GAS2L2: variants seen among roughly 807,000 people sequenced by gnomAD.
The protein encoded by GAS2L2 is growth arrest specific 2 like 2, also known as GAS2-like protein 2.
A neutral mutation model predicts 35.2 loss-of-function variants in GAS2L2; 21 were observed. The ratio of observed to expected loss-of-function variants is 0.60; its 90% CI spans 0.42 to 0.86. The LOEUF is 0.86. Among genes scored for constraint, GAS2L2 ranks in the 40% least tolerant of loss-of-function variants. The pLI is 0.00. For missense variants in GAS2L2, 1,169 were observed against 1,144.4 expected, an observed-to-expected ratio of 1.02 and a Z score of -0.31; for synonymous variants, 490 against 473.2, an observed-to-expected ratio of 1.04 and a Z score of -0.46.
At chr17:35,752,405 A>G in intron 1 of GAS2L2, 61 bp downstream of exon 1, 2 of 1,492,150 alleles carry the variant, frequency 1.3e-6, no homozygotes, top group Non-Finnish European at 1.8e-6. Context: ...TGCATTTGAG[A>G]AAGGACCAAT....
rs1193517147 is a variant in GAS2L2 at position 35,749,217 on chromosome 17, C to T, written c.628G>A (p.Val210Met). 1.7e-5 allele frequency: 28 copies of T among 1,609,358 alleles called. No homozygotes were observed. Among genetic ancestry groups the T allele is most frequent in the Non-Finnish European group, 2.3e-5 (27 of 1,176,816 alleles). Residue 210 changes from valine (V) to methionine (M), a missense_variant and splice_region_variant, in exon 3 of 6, where the codon GTG becomes ATG. Coordinates refer to ENST00000604641, the MANE Select transcript of GAS2L2 (RefSeq NM_139285.4). ...PCHFRNLDQM[V>M]QSLVSHCTCP... Reference sequence around the variant, plus strand: ...GTGCAGTGGCTCACAAGGCTCTGCACCTGCGGGCGGGTGGTGAACTCAGCC... The same window carrying T: ...GTGCAGTGGCTCACAAGGCTCTGCATCTGCGGGCGGGTGGTGAACTCAGCC...
chr17:35,747,378 CAG>C (rs1354883722), intron 4 of GAS2L2, 110 bp from the exon 5 acceptor site: 17 of 1,268,632 alleles, frequency 1.3e-5, no homozygotes, highest in Non-Finnish European at 1.8e-5. Flanking sequence ...ACATTAAAAA[CAG>C]TGGGACCTAC....
intron 1 of GAS2L2, 73 bp from the exon 2 acceptor site, chr17:35,750,391 G>A (rs1360746227): frequency 1.9e-6 from 3 of 1,596,796 alleles, no homozygotes; most frequent in Non-Finnish European, 2.6e-6. Flanking sequence ...CGGGGCAGGG[G>A]CTAGCGGGGA....
intron 1 of GAS2L2, among the ~76,000 whole-genome samples, chr17:35,750,920 A>C (rs1178446407): frequency 6.6e-6 from 1 of 152,168 alleles, no homozygotes; most frequent in Non-Finnish European, 1.5e-5. Flanking sequence ...GGTTGTTGTG[A>C]AGATTGGATA....
At position 35,744,822 on chromosome 17, in the gene GAS2L2, TG is replaced by T. The variant is rs1555598537; in HGVS notation, c.*31del. ...CCAGTGTATACATGGCCATCCTTTT[TG>T]CTTCCCTCCTACCCAACACGCTCAT... is the stretch of plus-strand genomic sequence containing the variant. On this transcript the variant is annotated 3_prime_UTR_variant, in exon 6 of 6. Transcript: ENST00000604641. 1.3e-6 allele frequency: 2 copies of T among 1,495,358 alleles called. No individual in the cohort carries two copies. Among genetic ancestry groups the T allele is most frequent in the East Asian group, 4.9e-5 (2 of 40,826 alleles). 92.6% of individuals were successfully genotyped at this position (1,495,358 alleles called of 1,614,324 possible). A position where few individuals can be genotyped will look rare whatever the true frequency, so the allele number is the denominator to read the frequency against.
Position 35,745,392 on chromosome 17 carries a change from C to T in GAS2L2, c.2105G>A (p.Gly702Glu). 6.3e-7 allele frequency: 1 copy of T among 1,581,314 alleles called. No homozygotes were observed. ...ACTCAGGCTTGCCTTTGTCCTGGGC[C>T]CACTCTGTCTGGCTCCCAACTTCCC... ...LKGKLGARQSGPRTKASLSAK... is the reference protein window; with the variant it reads ...LKGKLGARQSEPRTKASLSAK... The change falls in exon 6 of 6, where the codon GGG (glycine) becomes GAG (glutamate). Residue 702 changes from glycine to glutamate, a missense_variant. By Grantham distance (98) the Gly-to-Glu change is moderately conservative. Around this residue, in one of 3 missense-constraint regions of GAS2L2, gnomAD observed 1,035 missense variants for 976.5 expected, o/e 1.06. Transcript: ENST00000604641.
rs782622658 is a variant in GAS2L2, at chr17:35,750,264, A to G, written c.440T>C (p.Val147Ala). The stretch of plus-strand genomic sequence containing the variant: ...GCCCAGCTCCAGCAAACACAGCACC[A>G]CGTTCTTCACGTTCTTGCGCAGCAC... ...DLVLRKNVKN[V>A]VLCLLELGRR... Residue 147 changes from valine to alanine, a missense_variant, in exon 2 of 6, where the codon GTG (valine) becomes GCG (alanine). Around this residue, in one of 3 missense-constraint regions of GAS2L2, gnomAD observed 1,035 missense variants for 976.5 expected, o/e 1.06. Coordinates refer to ENST00000604641, the MANE Select transcript of GAS2L2 (RefSeq NM_139285.4). 1.2e-6 allele frequency: 2 copies of G among 1,613,496 alleles called. No individual in the cohort carries two copies. Among genetic ancestry groups the G allele is most frequent in the South Asian group, 1.1e-5 (1 of 91,066 alleles).
In GAS2L2 at chr17:35,745,544, A is replaced by G. The variant is rs923349183; in HGVS notation, c.1953T>C (p.Tyr651=). ...AGQWPEPGGP[Y]DKAIQELAQG... is the part of the protein sequence containing the mutation. ...GAGCCAGTTCTTGGATGGCTTTGTC[A>G]TAAGGACCCCCAGGCTCAGGCCACT... is the stretch of plus-strand genomic sequence containing the variant. Residue 651 remains tyrosine (Y), a synonymous_variant, in exon 6 of 6, where the codon TAT becomes TAC. Coordinates refer to ENST00000604641, the MANE Select transcript of GAS2L2 (RefSeq NM_139285.4). 1 of 1,613,280 alleles carries G rather than the reference A, an allele frequency of 6.2e-7. No homozygotes were observed. Among genetic ancestry groups the G allele is most frequent in the Non-Finnish European group, 8.5e-7 (1 of 1,179,678 alleles).
In GAS2L2 at chr17:35,750,242, C is replaced by T. The variant is rs375413968; in HGVS notation, c.462G>A (p.Leu154=). Reference sequence around the variant, plus strand: ...CACCAAAGCGCCACGCCCGGCGGCCCAGCTCCAGCAAACACAGCACCACGT... The same window carrying T: ...CACCAAAGCGCCACGCCCGGCGGCCTAGCTCCAGCAAACACAGCACCACGT... ...VKNVVLCLLE[L]GRRAWRFGVA... The change falls in exon 2 of 6, where the codon CTG becomes CTA. Residue 154 remains leucine (L), a synonymous_variant. Transcript: ENST00000604641. 30 of 1,613,902 alleles carry T rather than the reference C, an allele frequency of 1.9e-5. No individual in the cohort carries two copies. The highest frequency in any genetic ancestry group is 2.5e-5 in the Non-Finnish European group (29 of 1,179,952).
At chr17:35,750,956 A>G (rs145373606) in intron 1 of GAS2L2, among the ~76,000 whole-genome samples, 54 of 152,120 alleles carry the variant, frequency 3.5e-4, no homozygotes, top group African/African-American at 1.0e-3. Context: ...ACCATTCACA[A>G]TGTCCGGCAC....
rs781952914 is a variant in GAS2L2, at chr17:35,746,001, C to T, written c.1496G>A (p.Gly499Asp). 8 of 1,579,920 alleles carry T rather than the reference C, an allele frequency of 5.1e-6. No individual in the cohort carries two copies. In the South Asian group the frequency reaches 5.9e-5, roughly 12 times the overall value. Residue 499 changes from glycine to aspartate, a missense_variant, in exon 6 of 6, where the codon GGC becomes GAC. Coordinates refer to ENST00000604641, the MANE Select transcript of GAS2L2 (RefSeq NM_139285.4). ...ESVRSPTPVQ[G>D]LTKIPIRLPP... is the part of the protein sequence containing the mutation. ...CAGCCGGATGGGGATCTTGGTTAGG[C>T]CTTGGACAGGGGTTGGAGAACGGAC...
At chr17:35,748,042 A>C in intron 3 of GAS2L2, 97 bp from the exon 4 acceptor site, 3 of 812,320 alleles carry the variant, frequency 3.7e-6, no homozygotes, top group East Asian at 2.6e-5. Context: ...GGATGCTCTC[A>C]TCCATGTACC....
At chr17:35,747,736 A>G (rs587720535) in intron 4 of GAS2L2, 113 bp downstream of exon 4, 60 of 824,814 alleles carry the variant, frequency 7.3e-5, no homozygotes, top group Middle Eastern at 2.3e-4. Flanking sequence ...CTCCCCACCT[A>G]CCGCTCCCCT....
chr17:35,749,293 G>A (rs2085688902), intron 2 of GAS2L2, 76 bp from the exon 3 acceptor site: 4 of 885,436 alleles, frequency 4.5e-6, no homozygotes, highest in South Asian at 1.5e-5. Context: ...TGCCCCCCAG[G>A]TCACCCCTGA....
chr17:35,750,838 C>G (rs186433302), intron 1 of GAS2L2, among the ~76,000 whole-genome samples: 1 of 152,166 alleles, frequency 6.6e-6, no homozygotes, highest in Non-Finnish European at 1.5e-5. Flanking sequence ...TATTACCAGC[C>G]GCATGACCTT....
At chr17:35,747,611 TA>T (rs1191693351) in intron 4 of GAS2L2, among the ~76,000 whole-genome samples, 1 of 152,174 alleles carries the variant, frequency 6.6e-6, no homozygotes, top group Non-Finnish European at 1.5e-5. Flanking sequence ...TAAGCTCTGC[TA>T]AAATGCACCG....
In GAS2L2 at chr17:35,746,077, G is replaced by A; in HGVS notation, c.1420C>T (p.Leu474Phe). ...PAECLGLRLP[L>F]RDEAKGAFFQ... The stretch of plus-strand genomic sequence containing the variant: ...AACGCACCCTTGGCCTCATCCCGGA[G>A]TGGCAGCCTGAGGCCCAGGCACTCG... Residue 474 changes from leucine to phenylalanine, a missense_variant, in exon 6 of 6, where the codon CTC becomes TTC. This residue lies in a region of GAS2L2 where 1,035 missense variants were observed against 976.5 expected (regional missense o/e 1.06). Transcript: ENST00000604641. The A allele has an allele frequency of 6.6e-7, 1 of 1,520,014 alleles. No homozygotes were observed. The highest frequency in any genetic ancestry group is 1.4e-5 in the African/African-American group (1 of 71,892). The allele number at this position is 1,520,014 out of a possible 1,614,324, so 94.2% of individuals were successfully genotyped here.
At position 35,747,094 on chromosome 17, in the gene GAS2L2, G is replaced by A. The variant is rs782015287; in HGVS notation, c.1007C>T (p.Pro336Leu). 4 of 1,612,230 alleles carry A rather than the reference G, an allele frequency of 2.5e-6. No homozygotes were observed. Among genetic ancestry groups the A allele is most frequent in the Admixed American group, 1.7e-5 (1 of 59,974 alleles). ...YTSSDRRLRPPTPSSPRPRRE... is the reference protein window; with the variant it reads ...YTSSDRRLRPLTPSSPRPRRE... ...GCGGGGTCTGGGGGAGGATGGGGTG[G>A]GGGGCCTCAGCCTTCGGTCTGAAGA... is the stretch of plus-strand genomic sequence containing the variant. The change falls in exon 5 of 6, where the codon CCC becomes CTC. Residue 336 changes from proline to leucine, a missense_variant. Physicochemically the swap from Pro to Leu is moderately conservative, Grantham distance 98. Coordinates refer to ENST00000604641, the MANE Select transcript of GAS2L2 (RefSeq NM_139285.4).
chr17:35,745,895 G>C lies in GAS2L2; in HGVS notation c.1602C>G (p.Asp534Glu), dbSNP rs151183482. The C allele has an allele frequency of 1.4e-5, 23 of 1,613,222 alleles. No homozygotes were observed. The African/African-American group carries it at 1.6e-4, about 11-fold the overall frequency. Residue 534 changes from aspartate to glutamate, a missense_variant, in exon 6 of 6, where the codon GAC becomes GAG. Transcript: ENST00000604641. ...CAGTGACGGCCCTTAGTGGGATGGG[G>C]TCTCTCCCAAGTTCTGTCCTGGGAC... Reference protein sequence around the residue: ...SGSPRTELGRDPIPLRAVTVD... With the variant: ...SGSPRTELGREPIPLRAVTVD...
Sources: allele counts gnomAD v4.1 joint callset (sites outside exome capture counted in the v4.1 genomes callset), GRCh38; gene constraint gnomAD v4.1.1; regional missense constraint gnomAD v4.1.1; transcripts MANE v1.5; gene names NCBI Gene and HGNC (gene_info 2026-07-23, HGNC 2026-07-21).